Variants in NEBL observed in about 807,000 individuals in gnomAD.
NEBL encodes the protein LIM and SH3 protein 2.
In NEBL, 122 loss-of-function variants were observed where a neutral mutation model predicts 140.2. The ratio of observed to expected loss-of-function variants is 0.87; its 90% CI spans 0.75 to 1.01. The LOEUF is 1.01. NEBL is among the 50% of genes least tolerant of loss of function. NEBL has a pLI of 0.00. For missense variants in NEBL, 1,365 were observed against 1,231.3 expected (o/e 1.11, Z -1.62); for synonymous variants, 436 against 398.9 (o/e 1.09, Z -1.11).
chr10:20,888,638 G>A (rs1846748705), intron 3 of NEBL, among the ~76,000 whole-genome samples: 1 of 152,104 alleles, frequency 6.6e-6, no homozygotes, highest in African/African-American at 2.4e-5. Flanking sequence ...GGGGGAGAGG[G>A]GAGTGAGTGC....
chr10:21,098,997 G>A (rs1366472648), intron 2 of NEBL, among the ~76,000 whole-genome samples: 1 of 152,124 alleles, frequency 6.6e-6, no homozygotes, highest in African/African-American at 2.4e-5. Flanking sequence ...GCTGGACATG[G>A]TGGCACACAC....
At chr10:20,972,704 GC>G (rs1336079715) in intron 3 of NEBL, among the ~76,000 whole-genome samples, 5 of 151,792 alleles carry the variant, frequency 3.3e-5, no homozygotes, top group Admixed American at 6.6e-5. Context: ...CCAAGATCAC[GC>G]CACTGCACTC....
intron 2 of NEBL, among the ~76,000 whole-genome samples, chr10:21,149,791 A>G (rs1840068404): frequency 6.6e-6 from 1 of 152,190 alleles, no homozygotes. Flanking sequence ...TGTAGGACTG[A>G]GCCCTCAACC....
chr10:20,885,709 AGATT>A (rs1423809590), intron 4 of NEBL, among the ~76,000 whole-genome samples: 1 of 152,206 alleles, frequency 6.6e-6, no homozygotes, highest in Admixed American at 6.5e-5. Flanking sequence ...AAGCAATAAT[AGATT>A]GTTTTCCTTT....
intron 2 of NEBL, among the ~76,000 whole-genome samples, chr10:21,093,148 G>GCC (rs1554824228): frequency 9.2e-5 from 2 of 21,772 alleles, no homozygotes; most frequent in African/African-American, 2.5e-4. Flanking sequence ...TTAGCAACAA[G>GCC]TCTTTTTTTT....
chr10:21,130,155 G>T (rs1839035578), intron 2 of NEBL, among the ~76,000 whole-genome samples: 1 of 152,018 alleles, frequency 6.6e-6, no homozygotes, highest in African/African-American at 2.4e-5. Context: ...CTGGGACAAA[G>T]AAAGCCATTA....
chr10:21,283,081 A>G (rs1843012496), intron 1 of NEBL, among the ~76,000 whole-genome samples: 1 of 150,878 alleles, frequency 6.6e-6, no homozygotes, highest in Admixed American at 6.6e-5. Context: ...GGTTGCAGTG[A>G]GCAGAGATCA....
At chr10:21,272,118 ATTTTT>A (rs10678454) in intron 1 of NEBL, among the ~76,000 whole-genome samples, 14 of 79,096 alleles carry the variant, frequency 1.8e-4, no homozygotes, top group African/African-American at 6.2e-4. Flanking sequence ...CACTTGGTTA[ATTTTT>A]TTTTTTTTTT....
chr10:21,033,958 G>A (rs1010535404), intron 2 of NEBL, among the ~76,000 whole-genome samples: 3 of 151,608 alleles, frequency 2.0e-5, no homozygotes, highest in Non-Finnish European at 4.4e-5. Flanking sequence ...TTAAGTCAGA[G>A]ACTTTGAGAC....
intron 3 of NEBL, among the ~76,000 whole-genome samples, chr10:20,994,634 A>G (rs989953324): frequency 2.0e-5 from 3 of 152,214 alleles, no homozygotes; most frequent in African/African-American, 7.2e-5. Context: ...CCCCCAAAAA[A>G]CTTAACCACA....
chr10:20,845,950 T>A (rs1841897059), intron 11 of NEBL, among the ~76,000 whole-genome samples: 1 of 152,148 alleles, frequency 6.6e-6, no homozygotes, highest in Non-Finnish European at 1.5e-5. Flanking sequence ...AATGAAGTTG[T>A]GCTGTGAGGA....
intron 4 of NEBL, among the ~76,000 whole-genome samples, chr10:20,916,703 C>A (rs1360039332): frequency 1.3e-5 from 2 of 152,212 alleles, no homozygotes; most frequent in African/African-American, 2.4e-5. Context: ...AGCCACCACG[C>A]CTGGCTTGAT....
At chr10:21,099,169 A>G (rs1345825411) in intron 2 of NEBL, among the ~76,000 whole-genome samples, 4 of 152,240 alleles carry the variant, frequency 2.6e-5, no homozygotes, top group African/African-American at 9.6e-5. Flanking sequence ...AGTGAAGCAT[A>G]TATACCTTTT....
At chr10:20,909,818 C>A (rs1848254447) in intron 4 of NEBL, among the ~76,000 whole-genome samples, 1 of 151,942 alleles carries the variant, frequency 6.6e-6, no homozygotes, top group African/African-American at 2.4e-5. Flanking sequence ...ACAATTTATA[C>A]AATGGCTTTA....
At chr10:21,195,569 G>A (rs1000674769) in intron 3 of NEBL, among the ~76,000 whole-genome samples, 4 of 152,132 alleles carry the variant, frequency 2.6e-5, no homozygotes, top group Admixed American at 1.3e-4. Flanking sequence ...GCTAAATACT[G>A]GATGTCAGCC....
At chr10:20,971,358 G>A (rs528072294) in intron 3 of NEBL, among the ~76,000 whole-genome samples, 1 of 151,738 alleles carries the variant, frequency 6.6e-6, no homozygotes, top group African/African-American at 2.4e-5. Context: ...CTGAACACAT[G>A]TTCTCTTAAT....
At chr10:20,847,579 G>C (rs1401464370) in intron 11 of NEBL, among the ~76,000 whole-genome samples, 1 of 152,120 alleles carries the variant, frequency 6.6e-6, no homozygotes, top group African/African-American at 2.4e-5. Flanking sequence ...ATAAAAGGTT[G>C]CTCAGCATGA....
At chr10:21,192,119 C>T in intron 3 of NEBL, among the ~76,000 whole-genome samples, 1 of 152,116 alleles carries the variant, frequency 6.6e-6, no homozygotes, top group Non-Finnish European at 1.5e-5. Flanking sequence ...TAGATAAACT[C>T]TTCTAGGCAA....
At chr10:21,192,727 C>A (rs1176240622) in intron 3 of NEBL, among the ~76,000 whole-genome samples, 1 of 151,200 alleles carries the variant, frequency 6.6e-6, no homozygotes, top group African/African-American at 2.4e-5. Context: ...TGCCTGTAAT[C>A]CCAGCTACGA....
Sources: gnomAD v4.1 joint callset for allele counts (sites outside exome capture counted in the v4.1 genomes callset) on GRCh38, gnomAD v4.1.1 for gene constraint, MANE v1.5 for transcripts, NCBI Gene and HGNC (gene_info 2026-07-23, HGNC 2026-07-21) for gene names.